The following BPIFB3 variants were observed in gnomAD, a reference collection of about 807,000 sequenced individuals.
The protein encoded by BPIFB3 is BPI fold containing family B member 3.
Under a neutral mutation model 53.1 loss-of-function variants are expected in BPIFB3, and 49 were observed. That is an observed-to-expected ratio of 0.92 (90% CI 0.73 to 1.17). BPIFB3 has a LOEUF of 1.17. Among genes scored for constraint, BPIFB3 ranks in the 50% most tolerant of loss-of-function variants. BPIFB3 has a pLI of 0.00. For synonymous variants in BPIFB3, 271 were observed against 269.6 expected, an observed-to-expected ratio of 1.01 and a Z score of -0.05; for missense variants, 628 against 592.5, an observed-to-expected ratio of 1.06 and a Z score of -0.62.
At chr20:33,067,253 G>C (rs1482343387) in intron 9 of BPIFB3, among the ~76,000 whole-genome samples, 1 of 152,240 alleles carries the variant, frequency 6.6e-6, no homozygotes, top group Non-Finnish European at 1.5e-5. Flanking sequence ...GGAGAGGAAA[G>C]AAAAGGGAGA....
chr20:33,061,969 G>A (rs1980478656), intron 5 of BPIFB3, 138 bp downstream of exon 6: 3 of 1,036,556 alleles, frequency 2.9e-6, no homozygotes, highest in Admixed American at 2.2e-5. Flanking sequence ...TCCCATCCGG[G>A]CCTGCTGACC....
chr20:33,061,261 G>T (rs745440014), intron 4 of BPIFB3, among the ~76,000 whole-genome samples: 1 of 152,058 alleles, frequency 6.6e-6, no homozygotes, highest in Non-Finnish European at 1.5e-5. Context: ...TGTGTTTGGG[G>T]CTCTGTGGTT....
downstream of BPIFB3, chr20:33,073,728 A>G: frequency 8.6e-7 from 1 of 1,163,574 alleles, no homozygotes; most frequent in Non-Finnish European, 1.3e-6. Flanking sequence ...CTGGCCCTGA[A>G]GCACTACTCC....
chr20:33,055,760 G>A lies in BPIFB3; in HGVS notation c.124+213G>A, dbSNP rs140231383. Among the ~76,000 whole-genome samples, 6 of 152,316 alleles carry A rather than the reference G, an allele frequency of 3.9e-5. No homozygotes were observed. In the East Asian group the frequency reaches 1.2e-3, roughly 29 times the overall value. On this transcript the variant is annotated intron_variant, in intron 1 of 14. Coordinates refer to ENST00000375494, the Ensembl canonical transcript of BPIFB3. ...AATTCCCTCTTACGGGAGGTGGACT[G>A]GGTGATATGGGCTGAGGCTGTTTGG...
At chr20:33,072,632 A>G in intron 13 of BPIFB3, 85 bp from the exon 15 acceptor site, 1 of 1,131,152 alleles carries the variant, frequency 8.8e-7, no homozygotes, top group Non-Finnish European at 1.3e-6. Context: ...AAGTGATGGA[A>G]TAGGGTCAGC....
chr20:33,071,947 C>T (rs978366678), intron 12 of BPIFB3, among the ~76,000 whole-genome samples, 157 bp from the exon 14 acceptor site: 1 of 152,168 alleles, frequency 6.6e-6, no homozygotes, highest in Non-Finnish European at 1.5e-5. Flanking sequence ...CCAGGCCACC[C>T]CCAAGTGCCC....
At chr20:33,066,017 T>C (rs927048528) in intron 8 of BPIFB3, among the ~76,000 whole-genome samples, 2 of 152,096 alleles carry the variant, frequency 1.3e-5, no homozygotes, top group Non-Finnish European at 2.9e-5. Context: ...TATAGGAGCA[T>C]TGGGTGTTTG....
chr20:33,071,955 C>T, intron 12 of BPIFB3, 149 bp from the exon 14 acceptor site: 2 of 740,090 alleles, frequency 2.7e-6, no homozygotes, highest in Non-Finnish European at 4.8e-6. Flanking sequence ...CCCCCAAGTG[C>T]CCAGTGCCTG....
chr20:33,071,284 C>T, exon 12 of BPIFB3: 2 of 1,564,590 alleles, frequency 1.3e-6, no homozygotes, highest in Admixed American at 1.9e-5. Flanking sequence ...CTCCTTTACC[C>T]ATGCCTTTGA....
At chr20:33,059,624 C>T (rs1980360943) in intron 3 of BPIFB3, 142 bp downstream of exon 4, 1 of 731,244 alleles carries the variant, frequency 1.4e-6, no homozygotes, top group African/African-American at 1.8e-5. Context: ...CCAAGGGACT[C>T]CCAATCCTAC....
downstream of BPIFB3, chr20:33,073,650 C>A (rs1358354436): frequency 6.2e-7 from 1 of 1,607,052 alleles, no homozygotes; most frequent in Non-Finnish European, 8.5e-7. Context: ...TACTAGAGAC[C>A]ACCTGTCTAC....
chr20:33,066,698 G>A (rs1047056935), intron 8 of BPIFB3, 126 bp from the exon 10 acceptor site: 21 of 852,472 alleles, frequency 2.5e-5, no homozygotes, highest in Non-Finnish European at 3.9e-5. Context: ...TTGAGTGTTT[G>A]TAGTGATATA....
chr20:33,063,318 T>A (rs1395897596), intron 5 of BPIFB3, among the ~76,000 whole-genome samples: 1 of 152,184 alleles, frequency 6.6e-6, no homozygotes, highest in Non-Finnish European at 1.5e-5. Flanking sequence ...CTTGTCCGCA[T>A]GCCCAAACCA....
In BPIFB3 at chr20:33,068,974, G is replaced by A. The variant is rs147342520; in HGVS notation, c.1149+1G>A. ...TGAATCCCTCTTTGAGCTGAACTCCGTGAGTGGTCAAGGGGTGGCTGGGGG... is the reference window on the plus strand; with the variant it reads ...TGAATCCCTCTTTGAGCTGAACTCCATGAGTGGTCAAGGGGTGGCTGGGGG... On this transcript the variant is annotated splice_donor_variant, in intron 10 of 14. Coordinates refer to ENST00000375494, the Ensembl canonical transcript of BPIFB3. LOFTEE classifies it high-confidence loss of function. 99 of 1,612,280 alleles carry A rather than the reference G, an allele frequency of 6.1e-5. No homozygotes were observed. Among genetic ancestry groups the A allele is most frequent in the South Asian group, 4.3e-4 (39 of 90,990 alleles).
intron 11 of BPIFB3, among the ~76,000 whole-genome samples, chr20:33,070,840 G>A (rs754756477): frequency 2.6e-5 from 4 of 152,148 alleles, no homozygotes; most frequent in Admixed American, 6.5e-5. Flanking sequence ...GTAGAGATGC[G>A]TGCCCAGGCT....
Position 33,069,308 on chromosome 20 carries a change from G to A in BPIFB3, c.1149+335G>A, listed in dbSNP as rs375452168. Among the ~76,000 whole-genome samples the A allele has an allele frequency of 2.6e-5, 4 of 151,922 alleles. 1 individual carries two copies. The highest frequency in any genetic ancestry group is 3.9e-4 in the East Asian group (2 of 5,164). ...CCCTCCAGCTTCCTCTGACCCTCCC[G>A]CTCCAGTCAGCTTCCTCCATCGCAC... On this transcript the variant is annotated intron_variant, in intron 10 of 14. Transcript: ENST00000375494.
chr20:33,066,942 A>G, intron 9 of BPIFB3, 65 bp downstream of exon 10: 1 of 1,541,744 alleles, frequency 6.5e-7, no homozygotes, highest in Non-Finnish European at 9.0e-7. Context: ...AATGGAGTCC[A>G]GAATCTTTCT....
chr20:33,064,858 C>T lies in BPIFB3; in HGVS notation c.924+13C>T. The T allele has an allele frequency of 6.2e-7, 1 of 1,608,120 alleles. No homozygotes were observed. The highest frequency in any genetic ancestry group is 8.5e-7 in the Non-Finnish European group (1 of 1,178,530). ...CACCCCTGAGCTGGTGAGTGTGGTG[C>T]CCGGGGGATGGGGATGGGGGCTCCT... On this transcript the variant is annotated intron_variant, in intron 8 of 14. Transcript: ENST00000375494.
At position 33,068,984 on chromosome 20, in the gene BPIFB3, A is replaced by C. The variant is rs746537600; in HGVS notation, c.1149+11A>C. 4 of 1,607,512 alleles carry C rather than the reference A, an allele frequency of 2.5e-6. No homozygotes were observed. The highest frequency in any genetic ancestry group is 3.4e-6 in the Non-Finnish European group (4 of 1,175,122). ...TTTGAGCTGAACTCCGTGAGTGGTCAAGGGGTGGCTGGGGGCCCGGCATTG... is the reference window on the plus strand; with the variant it reads ...TTTGAGCTGAACTCCGTGAGTGGTCCAGGGGTGGCTGGGGGCCCGGCATTG... On this transcript the variant is annotated intron_variant, in intron 10 of 14. Coordinates refer to ENST00000375494, the Ensembl canonical transcript of BPIFB3.
Sources: gnomAD v4.1 joint callset for allele counts (sites outside exome capture counted in the v4.1 genomes callset) on GRCh38, gnomAD v4.1.1 for gene constraint, MANE v1.5 for transcripts, NCBI Gene and HGNC (gene_info 2026-07-23, HGNC 2026-07-21) for gene names.